NRXN3: variants seen among roughly 807,000 people sequenced by gnomAD.
NRXN3 encodes neurexin III.
NRXN3 carries 32 observed loss-of-function variants against 137.6 expected under a neutral mutation model. The observed-to-expected ratio is 0.23, with a 90% CI of 0.18 to 0.31. NRXN3 has a LOEUF of 0.31. Among genes scored for constraint, NRXN3 ranks in the 10% least tolerant of loss-of-function variants. The pLI is 1.00. For synonymous variants in NRXN3, 798 were observed against 784.5 expected (o/e 1.02, Z -0.29); for missense variants, 1,574 against 2,062.5 (o/e 0.76, Z 4.59).
At chr14:79,522,466 G>A (rs1454922287) in intron 16 of NRXN3, among the ~76,000 whole-genome samples, 1 of 152,044 alleles carries the variant, frequency 6.6e-6, no homozygotes, top group African/African-American at 2.4e-5. Flanking sequence ...AATAATAATG[G>A]AATTCATTTT....
chr14:79,628,738 AT>A (rs2098310607), intron 16 of NRXN3, among the ~76,000 whole-genome samples: 1 of 152,216 alleles, frequency 6.6e-6, no homozygotes, highest in Non-Finnish European at 1.5e-5. Context: ...AAAAAGGAAG[AT>A]TTGGCAGCAC....
chr14:79,030,255 C>T (rs1379648697), intron 15 of NRXN3, among the ~76,000 whole-genome samples: 1 of 151,890 alleles, frequency 6.6e-6, no homozygotes, highest in Admixed American at 6.6e-5. Flanking sequence ...ACATAATTGT[C>T]ACAATAAAAA....
intron 15 of NRXN3, among the ~76,000 whole-genome samples, chr14:79,453,292 C>T (rs182998387): frequency 4.0e-5 from 6 of 151,876 alleles, no homozygotes; most frequent in Middle Eastern, 3.4e-3. Context: ...GACGACAGAA[C>T]GAGACTCTGT....
At chr14:78,366,527 G>A (rs2085967178) in intron 4 of NRXN3, among the ~76,000 whole-genome samples, 1 of 152,180 alleles carries the variant, frequency 6.6e-6, no homozygotes, top group African/African-American at 2.4e-5. Flanking sequence ...CATGTTGGCT[G>A]TATTAGTTTG....
At chr14:78,225,978 T>TGTTGGG (rs1555412853) in intron 1 of NRXN3, among the ~76,000 whole-genome samples, 9 of 123,864 alleles carry the variant, frequency 7.3e-5, no homozygotes, top group Non-Finnish European at 1.0e-4. Flanking sequence ...TGTGTTGGTG[T>TGTTGGG]GTGTGTGTGT....
intron 15 of NRXN3, among the ~76,000 whole-genome samples, chr14:79,020,490 C>T (rs1223373127): frequency 4.1e-5 from 6 of 147,928 alleles, no homozygotes; most frequent in Non-Finnish European, 7.4e-5. Flanking sequence ...GTCTTGAATT[C>T]TCAACCTCAG....
chr14:78,533,967 A>G (rs2096503242), intron 4 of NRXN3, among the ~76,000 whole-genome samples: 1 of 152,174 alleles, frequency 6.6e-6, no homozygotes, highest in Non-Finnish European at 1.5e-5. Flanking sequence ...AATTAAGTTT[A>G]ATGTATTTAT....
chr14:79,512,036 A>T (rs1013338575), intron 16 of NRXN3, among the ~76,000 whole-genome samples: 1 of 152,142 alleles, frequency 6.6e-6, no homozygotes, highest in African/African-American at 2.4e-5. Flanking sequence ...AGTAGCTGGG[A>T]TTACAGGTGT....
intron 4 of NRXN3, chr14:78,403,707 G>A: frequency 2.0e-6 from 2 of 985,442 alleles, no homozygotes; most frequent in Non-Finnish European, 2.4e-6. Context: ...CCTGCACACT[G>A]TTGTAGGTGT....
At chr14:78,302,739 A>G (rs546548096) in intron 4 of NRXN3, among the ~76,000 whole-genome samples, 1 of 152,106 alleles carries the variant, frequency 6.6e-6, no homozygotes, top group South Asian at 2.1e-4. Context: ...CGCATTTCCC[A>G]CCTGCCTTAT....
chr14:78,401,339 A>AT (rs58992556), intron 4 of NRXN3, among the ~76,000 whole-genome samples: 10,389 of 152,098 alleles, frequency 0.068, 532 homozygotes, highest in East Asian at 0.29. Context: ...TAATTTTTGT[A>AT]TTTTTAGTAG....
At chr14:79,020,303 T>C (rs1054603712) in intron 15 of NRXN3, among the ~76,000 whole-genome samples, 1 of 144,054 alleles carries the variant, frequency 6.9e-6, no homozygotes, top group African/African-American at 2.6e-5. Flanking sequence ...TCCGCTCTTG[T>C]TGCCTAGGCT....
At chr14:79,108,878 C>A (rs531709085) in intron 15 of NRXN3, among the ~76,000 whole-genome samples, 1 of 152,128 alleles carries the variant, frequency 6.6e-6, no homozygotes, top group East Asian at 1.9e-4. Context: ...TGGGAGAAAG[C>A]TTAAAGAGAA....
At chr14:78,835,357 G>T (rs79673094) in intron 10 of NRXN3, among the ~76,000 whole-genome samples, 2,449 of 152,276 alleles carry the variant, frequency 0.016, 61 homozygotes, top group South Asian at 0.11. Flanking sequence ...GCTGGTGGCG[G>T]CGGTGGCAGC....
intron 4 of NRXN3, among the ~76,000 whole-genome samples, chr14:78,555,191 G>A (rs532871252): frequency 2.0e-5 from 3 of 152,148 alleles, no homozygotes; most frequent in Non-Finnish European, 4.4e-5. Flanking sequence ...TATAAACTAA[G>A]CACAAAATAA....
intron 4 of NRXN3, among the ~76,000 whole-genome samples, chr14:78,638,409 G>C (rs998842342): frequency 6.6e-6 from 1 of 152,164 alleles, no homozygotes; most frequent in African/African-American, 2.4e-5. Flanking sequence ...TCTGCAGCTT[G>C]ATCTCTCTTA....
chr14:79,121,414 G>GT lies in NRXN3; in HGVS notation c.3262+133276dup, dbSNP rs1241784069. Among the ~76,000 whole-genome samples the GT allele has an allele frequency of 5.3e-5, 8 of 152,324 alleles. No homozygotes were observed. In the South Asian group the frequency reaches 8.3e-4, roughly 16 times the overall value. On this transcript the variant is annotated intron_variant, in intron 15 of 20. Coordinates refer to ENST00000335750, the MANE Select transcript of NRXN3 (RefSeq NM_001330195.2). ...AATGAAATTTGAATTTTGGAAAGAA[G>GT]TTTGTAGCTACATGAATACCTTGCA...
intron 15 of NRXN3, among the ~76,000 whole-genome samples, chr14:79,182,646 C>G (rs546873142): frequency 4.3e-4 from 65 of 152,170 alleles, no homozygotes; most frequent in African/African-American, 1.5e-3. Flanking sequence ...GCTGTGTGGC[C>G]CCAGTTTCTA....
At chr14:79,029,009 A>G (rs2099603036) in intron 15 of NRXN3, among the ~76,000 whole-genome samples, 1 of 152,030 alleles carries the variant, frequency 6.6e-6, no homozygotes, top group South Asian at 2.1e-4. Context: ...GTCATAGGAA[A>G]AAATAGTGAT....
Sources: allele counts gnomAD v4.1 joint callset (sites outside exome capture counted in the v4.1 genomes callset), GRCh38; gene constraint gnomAD v4.1.1; transcripts MANE v1.5; gene names NCBI Gene and HGNC (gene_info 2026-07-23, HGNC 2026-07-21).